GRK5: variants seen among roughly 807,000 people sequenced by gnomAD.
The protein encoded by GRK5 is G protein-coupled receptor kinase 5.
A neutral mutation model predicts 78.4 loss-of-function variants in GRK5; 40 were observed. The observed-to-expected ratio is 0.51, with a 90% CI of 0.40 to 0.66. The LOEUF (loss-of-function observed/expected upper bound fraction) is 0.66. GRK5 is among the 30% of genes least tolerant of loss of function. GRK5 has a pLI of 0.00. For synonymous variants in GRK5, 289 were observed against 296.8 expected (o/e 0.97, Z 0.27); for missense variants, 598 against 759.9 (o/e 0.79, Z 2.50).
At chr10:119,311,950 C>CT (rs1320163780) in intron 1 of GRK5, among the ~76,000 whole-genome samples, 2 of 138,998 alleles carry the variant, frequency 1.4e-5, no homozygotes, top group East Asian at 4.5e-4. Context: ...GAGTCTCACT[C>CT]TGTCGCCCAG....
chr10:119,334,928 G>A (rs1312079381), intron 2 of GRK5: 1 of 152,074 alleles, frequency 6.6e-6, no homozygotes, highest in Non-Finnish European at 1.5e-5. Flanking sequence ...ATTGCCTTGT[G>A]GGAGAGCCTC....
At chr10:119,436,889 G>C (rs1234985120) in intron 9 of GRK5, 48 bp downstream of exon 9, 9 of 1,526,500 alleles carry the variant, frequency 5.9e-6, no homozygotes, top group Non-Finnish European at 8.0e-6. Context: ...CGAGGGGGTG[G>C]GGCCAGCCCC....
intron 1 of GRK5, among the ~76,000 whole-genome samples, chr10:119,314,430 G>A (rs1037615121): frequency 2.0e-5 from 3 of 152,332 alleles, no homozygotes; most frequent in African/African-American, 7.2e-5. Flanking sequence ...CCCACCAAGT[G>A]GTGAAGCTGG....
At chr10:119,368,671 T>C (rs1002621532) in intron 2 of GRK5, among the ~76,000 whole-genome samples, 5 of 152,314 alleles carry the variant, frequency 3.3e-5, no homozygotes, top group Admixed American at 1.3e-4. Flanking sequence ...CCCAGTCCCA[T>C]GCACCGATGT....
At chr10:119,282,399 C>G (rs1383280919) in intron 1 of GRK5, among the ~76,000 whole-genome samples, 1 of 152,220 alleles carries the variant, frequency 6.6e-6, no homozygotes, top group South Asian at 2.1e-4. Context: ...GCTGTTCCCC[C>G]TGCTAGTTTT....
At chr10:119,390,636 A>G (rs897998000) in intron 3 of GRK5, among the ~76,000 whole-genome samples, 2 of 152,238 alleles carry the variant, frequency 1.3e-5, no homozygotes, top group Admixed American at 6.5e-5. Flanking sequence ...CAGAGGTTGC[A>G]GTGAGCCGAG....
chr10:119,285,204 G>A (rs572751165), intron 1 of GRK5, among the ~76,000 whole-genome samples: 1 of 152,328 alleles, frequency 6.6e-6, no homozygotes, highest in Admixed American at 6.5e-5. Context: ...AGTACTAGGG[G>A]CGACAAGGAC....
chr10:119,284,320 T>G lies in GRK5; in HGVS notation c.53-42196T>G, dbSNP rs574551744. On this transcript the variant is annotated intron_variant, in intron 1 of 15. Transcript: ENST00000392870. ...AAATGGTTATCATTTTAGTATATCA[T>G]TAATATAAAAATCCTTTTCTTTTTT... Among the ~76,000 whole-genome samples the G allele has an allele frequency of 2.6e-5, 4 of 152,330 alleles. No homozygotes were observed. In the East Asian group the frequency reaches 7.7e-4, roughly 29 times the overall value.
At chr10:119,447,102 CG>C (rs890794461) in intron 12 of GRK5, among the ~76,000 whole-genome samples, 13 of 152,196 alleles carry the variant, frequency 8.5e-5, no homozygotes, top group African/African-American at 2.9e-4. Context: ...GGTCAGGGGC[CG>C]GGGCCCTGTG....
intron 2 of GRK5, among the ~76,000 whole-genome samples, chr10:119,328,274 G>A (rs1850713026): frequency 6.6e-6 from 1 of 152,348 alleles, no homozygotes; most frequent in South Asian, 2.1e-4. Context: ...TCCTGGGGCT[G>A]TAGCTTACTG....
At chr10:119,236,935 C>T (rs1316051672) in intron 1 of GRK5, among the ~76,000 whole-genome samples, 1 of 152,080 alleles carries the variant, frequency 6.6e-6, no homozygotes, top group African/African-American at 2.4e-5. Flanking sequence ...GGCAAGATTC[C>T]AGTCTCTTCC....
At chr10:119,365,627 C>T (rs1437960957) in intron 2 of GRK5, among the ~76,000 whole-genome samples, 1 of 152,194 alleles carries the variant, frequency 6.6e-6, no homozygotes, top group African/African-American at 2.4e-5. Flanking sequence ...AGGCAGGAGG[C>T]TAAGCATGCC....
At chr10:119,249,494 TTTTA>T (rs1395175491) in intron 1 of GRK5, among the ~76,000 whole-genome samples, 1 of 152,152 alleles carries the variant, frequency 6.6e-6, no homozygotes, top group Non-Finnish European at 1.5e-5. Flanking sequence ...AAACATTTTA[TTTTA>T]TTTTATTTTA....
chr10:119,325,951 GTCCC>G (rs1460127185), intron 1 of GRK5, among the ~76,000 whole-genome samples: 1 of 152,250 alleles, frequency 6.6e-6, no homozygotes, highest in African/African-American at 2.4e-5. Context: ...CCCCTCAGGA[GTCCC>G]TCCTTCCTTC....
chr10:119,310,920 C>A (rs1285597501), intron 1 of GRK5, among the ~76,000 whole-genome samples: 2 of 152,170 alleles, frequency 1.3e-5, no homozygotes, highest in Non-Finnish European at 2.9e-5. Flanking sequence ...CCAGCCCTCC[C>A]CGTCTGATGA....
intron 6 of GRK5, among the ~76,000 whole-genome samples, chr10:119,428,240 G>T (rs1039579142): frequency 6.6e-6 from 1 of 152,234 alleles, no homozygotes; most frequent in African/African-American, 2.4e-5. Flanking sequence ...CCAGCCCACC[G>T]CTACCAGCTA....
chr10:119,321,008 T>G (rs569238954), intron 1 of GRK5, among the ~76,000 whole-genome samples: 2 of 152,256 alleles, frequency 1.3e-5, no homozygotes, highest in Non-Finnish European at 2.9e-5. Context: ...TCCTATGAAA[T>G]AATAAACAGT....
chr10:119,356,024 T>C (rs2133803780), intron 2 of GRK5, among the ~76,000 whole-genome samples: 1 of 152,218 alleles, frequency 6.6e-6, no homozygotes, highest in East Asian at 1.9e-4. Context: ...GCTGATAAAG[T>C]AAGATAATAA....
intron 1 of GRK5, among the ~76,000 whole-genome samples, chr10:119,295,285 A>C (rs1360151771): frequency 6.6e-6 from 1 of 151,924 alleles, no homozygotes; most frequent in East Asian, 1.9e-4. Context: ...GGGGCCCTAG[A>C]CTCAACACTG....
Sources: gnomAD v4.1 joint callset for allele counts (sites outside exome capture counted in the v4.1 genomes callset) on GRCh38, gnomAD v4.1.1 for gene constraint, MANE v1.5 for transcripts, NCBI Gene and HGNC (gene_info 2026-07-23, HGNC 2026-07-21) for gene names.